SMAD3: variants seen among roughly 807,000 people sequenced by gnomAD.
The protein encoded by SMAD3 is MAD homolog 3.
Under a neutral mutation model 51.8 loss-of-function variants are expected in SMAD3, and 12 were observed. That is an observed-to-expected ratio of 0.23 (90% CI 0.15 to 0.38). The LOEUF (loss-of-function observed/expected upper bound fraction) is 0.38, where lower values mean the gene tolerates loss of function less well. SMAD3 is among the 10% of genes least tolerant of loss of function. The probability of loss-of-function intolerance (pLI) is 1.00; values close to 1 mark genes in which losing one functional copy is unlikely to be tolerated. For synonymous variants in SMAD3, 238 were observed against 227.7 expected (o/e 1.05, Z -0.41); for missense variants, 294 against 565.6 (o/e 0.52, Z 4.87).
intron 8 of SMAD3, 122 bp from the exon 9 acceptor site, chr15:67,190,291 C>A: frequency 1.1e-6 from 1 of 905,690 alleles, no homozygotes; most frequent in South Asian, 1.5e-5. Flanking sequence ...GCTTCTAGGA[C>A]AGCGTCTAAC....
intron 1 of SMAD3, among the ~76,000 whole-genome samples, chr15:67,162,916 C>T (rs942946230): frequency 3.3e-5 from 5 of 151,568 alleles, no homozygotes; most frequent in African/African-American, 9.7e-5. Context: ...TCGTTCAGGA[C>T]ACTTTCATTG....
intron 1 of SMAD3, among the ~76,000 whole-genome samples, chr15:67,162,042 C>T (rs994135417): frequency 6.6e-6 from 1 of 152,214 alleles, no homozygotes; most frequent in Non-Finnish European, 1.5e-5. Context: ...AAGGTAATTA[C>T]ATCCTTCAAG....
intron 5 of SMAD3, 100 bp downstream of exon 5, chr15:67,170,704 G>A (rs771644556): frequency 1.1e-5 from 11 of 1,012,158 alleles, no homozygotes; most frequent in East Asian, 7.1e-5. Context: ...GCTCTCCCCC[G>A]ACCCCTACCA....
intron 5 of SMAD3, among the ~76,000 whole-genome samples, chr15:67,172,917 A>G (rs1340200508): frequency 6.6e-6 from 1 of 152,080 alleles, no homozygotes; most frequent in Non-Finnish European, 1.5e-5. Flanking sequence ...CCCGGGGGGA[A>G]GCCCTGCCTG....
At position 67,192,249 on chromosome 15, in the gene SMAD3, G is replaced by C. The variant is rs1963384909; in HGVS notation, c.*1713G>C. Reference sequence around the variant, plus strand: ...CTCATCTGCAGGGTCCTGTGCCTCTGAAGTTCTAGCCATGAGGTTTCCAGG... The same window carrying C: ...CTCATCTGCAGGGTCCTGTGCCTCTCAAGTTCTAGCCATGAGGTTTCCAGG... On this transcript the variant is annotated 3_prime_UTR_variant, in exon 9 of 9. Transcript: ENST00000327367. 1 of 232,950 alleles carries C rather than the reference G, an allele frequency of 4.3e-6. No individual in the cohort carries two copies. The highest frequency in any genetic ancestry group is 8.5e-6 in the Non-Finnish European group (1 of 117,594). 14.4% of individuals were successfully genotyped at this position (232,950 alleles called of 1,614,324 possible).
intron 1 of SMAD3, among the ~76,000 whole-genome samples, chr15:67,076,876 G>A (rs1260733725): frequency 6.6e-6 from 1 of 152,196 alleles, no homozygotes; most frequent in Non-Finnish European, 1.5e-5. Context: ...TGTACCTGTG[G>A]GACCAATGGC....
At chr15:67,138,296 GGCC>G (rs1961721218) in intron 1 of SMAD3, 2 of 546,096 alleles carry the variant, frequency 3.7e-6, no homozygotes. Context: ...CGTCGCTCAG[GGCC>G]CTCTGCCTGG....
intron 1 of SMAD3, among the ~76,000 whole-genome samples, chr15:67,084,507 G>A (rs1203733758): frequency 6.6e-6 from 1 of 152,174 alleles, no homozygotes; most frequent in Non-Finnish European, 1.5e-5. Context: ...CTTCAGAGGG[G>A]AACCATTCCT....
At chr15:67,074,133 G>A (rs1324961444) in intron 1 of SMAD3, among the ~76,000 whole-genome samples, 2 of 152,192 alleles carry the variant, frequency 1.3e-5, no homozygotes, top group Non-Finnish European at 2.9e-5. Context: ...TAATTTTGGT[G>A]ATTTCCCTCC....
At chr15:67,175,732 C>T (rs1484848297) in intron 5 of SMAD3, among the ~76,000 whole-genome samples, 1 of 152,202 alleles carries the variant, frequency 6.6e-6, no homozygotes, top group African/African-American at 2.4e-5. Flanking sequence ...TCATGAGCCC[C>T]TGTGCCCATG....
chr15:67,129,789 A>G (rs1961478140), intron 1 of SMAD3, among the ~76,000 whole-genome samples: 2 of 152,242 alleles, frequency 1.3e-5, no homozygotes, highest in African/African-American at 2.4e-5. Context: ...AAAGATTGTT[A>G]ACGAGCTATA....
intron 1 of SMAD3, among the ~76,000 whole-genome samples, chr15:67,092,998 A>G (rs1352388795): frequency 2.0e-5 from 3 of 152,128 alleles, no homozygotes; most frequent in Non-Finnish European, 4.4e-5. Flanking sequence ...GGAGGCTTGT[A>G]GCCTGCTTTG....
intron 1 of SMAD3, among the ~76,000 whole-genome samples, chr15:67,075,373 T>C (rs1960146065): frequency 6.6e-6 from 1 of 152,196 alleles, no homozygotes; most frequent in Non-Finnish European, 1.5e-5. Context: ...TGCCAACCCT[T>C]TACATTTTGT....
chr15:67,178,392 A>G (rs905423542), intron 5 of SMAD3, among the ~76,000 whole-genome samples: 1 of 151,926 alleles, frequency 6.6e-6, no homozygotes, highest in Non-Finnish European at 1.5e-5. Context: ...TGGGGTGAGG[A>G]CCCTGTTCTG....
In SMAD3 at chr15:67,181,304, A is replaced by C; in HGVS notation, c.722A>C (p.Asn241Thr). 1 of 1,614,006 alleles carries C rather than the reference A, an allele frequency of 6.2e-7. No homozygotes were observed. The highest frequency in any genetic ancestry group is 8.5e-7 in the Non-Finnish European group (1 of 1,180,010). The change falls in exon 6 of 9, where the codon AAC becomes ACC. Residue 241 changes from asparagine to threonine, a missense_variant. Asn to Thr is a moderately conservative substitution (Grantham distance 65). This residue lies in a region of SMAD3 where 118 missense variants were observed against 278.0 expected (regional missense o/e 0.42). Transcript: ENST00000327367. ...FWCSISYYEL[N>T]QRVGETFHAS... ...TGCTCCATCTCCTACTACGAGCTGA[A>C]CCAGCGCGTCGGGGAGACATTCCAC...
rs548248358 is a variant in SMAD3, at chr15:67,161,804, T to A, written c.207-3091T>A. Among the ~76,000 whole-genome samples, 3 of 152,176 alleles carry A rather than the reference T, an allele frequency of 2.0e-5. No homozygotes were observed. The East Asian group carries it at 5.8e-4, about 29-fold the overall frequency. On this transcript the variant is annotated intron_variant, in intron 1 of 8. Transcript: ENST00000327367. ...AGCTTCAGGAGGTCGGGGGGCAGAA[T>A]ACCCCATTTTATAGATGAGAAAACT...
chr15:67,107,053 C>A (rs1350317591), intron 1 of SMAD3, among the ~76,000 whole-genome samples: 2 of 152,020 alleles, frequency 1.3e-5, no homozygotes, highest in Non-Finnish European at 2.9e-5. Flanking sequence ...GCTTCCCTAG[C>A]CCTGACTTCC....
At chr15:67,183,715 C>T (rs1025381682) in intron 6 of SMAD3, among the ~76,000 whole-genome samples, 13 of 152,150 alleles carry the variant, frequency 8.5e-5, no homozygotes, top group South Asian at 2.1e-4. Flanking sequence ...ATCCCCTGGC[C>T]GAGCAAAGAG....
intron 1 of SMAD3, among the ~76,000 whole-genome samples, chr15:67,072,807 T>A (rs1055249082): frequency 6.6e-6 from 1 of 152,216 alleles, no homozygotes; most frequent in Non-Finnish European, 1.5e-5. Flanking sequence ...AGCACAATGG[T>A]TCCTGGAAAC....
Sources: allele counts gnomAD v4.1 joint callset (sites outside exome capture counted in the v4.1 genomes callset), GRCh38; gene constraint gnomAD v4.1.1; regional missense constraint gnomAD v4.1.1; transcripts MANE v1.5; gene names NCBI Gene and HGNC (gene_info 2026-07-23, HGNC 2026-07-21).